The following DPP6 variants were observed in gnomAD, a reference collection of about 807,000 sequenced individuals.
The protein encoded by DPP6 is A-type potassium channel modulatory protein DPP6.
A neutral mutation model predicts 122.6 loss-of-function variants in DPP6; 69 were observed. The observed-to-expected ratio is 0.56, with a 90% CI of 0.46 to 0.69. The LOEUF is 0.69. DPP6 is among the 30% of genes least tolerant of loss of function. The pLI is 0.00. For missense variants in DPP6, 928 were observed against 1,116.9 expected (o/e 0.83, Z 2.41); for synonymous variants, 418 against 433.1 (o/e 0.97, Z 0.43).
At chr7:154,682,538 G>A (rs896742311) in intron 7 of DPP6, among the ~76,000 whole-genome samples, 14 of 152,330 alleles carry the variant, frequency 9.2e-5, no homozygotes, top group African/African-American at 3.4e-4. Flanking sequence ...TTATTGTCTG[G>A]GTTGTTAAAC....
chr7:153,885,115 G>GGT (rs1554481048), upstream of DPP6, among the ~76,000 whole-genome samples: 5 of 149,384 alleles, frequency 3.3e-5, no homozygotes, highest in Admixed American at 6.7e-5. Flanking sequence ...CATGCTTGGT[G>GGT]GGAAAGAGAG....
At chr7:154,874,335 C>T (rs367736839) in intron 19 of DPP6, among the ~76,000 whole-genome samples, 32 of 152,194 alleles carry the variant, frequency 2.1e-4, no homozygotes, top group African/African-American at 5.1e-4. Flanking sequence ...TAAAAGTGGT[C>T]GTGCCCGGTG....
rs554870439 is a variant in DPP6, at chr7:154,282,145, A to G, written c.244-164069A>G. 2.0e-5 allele frequency among the ~76,000 whole-genome samples: 3 copies of G among 152,246 alleles called. No homozygotes were observed. Among genetic ancestry groups the G allele is most frequent in the Non-Finnish European group, 2.9e-5 (2 of 68,022 alleles). On this transcript the variant is annotated intron_variant, in intron 1 of 25. Coordinates refer to ENST00000377770, the MANE Select transcript of DPP6 (RefSeq NM_130797.4). This position sits in a 1 kb window ranked among gnomAD's most constrained non-coding sequence, Gnocchi z 4.8. ...GGACAGGGCTGGCACAGTGCCTGGCATGTTCTAACCATCTATAATTTTATT... is the reference window on the plus strand; with the variant it reads ...GGACAGGGCTGGCACAGTGCCTGGCGTGTTCTAACCATCTATAATTTTATT...
At chr7:153,933,246 T>C (rs1214172338) in intron 1 of DPP6, among the ~76,000 whole-genome samples, 7 of 152,214 alleles carry the variant, frequency 4.6e-5, no homozygotes, top group Admixed American at 4.6e-4. Context: ...ATCTCTAAAA[T>C]TGCATTTGGC....
intron 1 of DPP6, among the ~76,000 whole-genome samples, chr7:154,129,260 T>G (rs1808183022): frequency 6.6e-6 from 1 of 152,104 alleles, no homozygotes; most frequent in Non-Finnish European, 1.5e-5. Context: ...CAAGTGACAT[T>G]AACAAGAGGC....
At chr7:153,991,047 A>G (rs1465451986) in intron 1 of DPP6, among the ~76,000 whole-genome samples, 5 of 152,322 alleles carry the variant, frequency 3.3e-5, no homozygotes, top group Non-Finnish European at 7.4e-5. Flanking sequence ...CCCTAGAATG[A>G]TGGAGTAATA....
chr7:154,328,040 T>C (rs1431142409), intron 1 of DPP6, among the ~76,000 whole-genome samples: 2 of 152,218 alleles, frequency 1.3e-5, no homozygotes, highest in East Asian at 3.8e-4. Context: ...GTGGTTGTTA[T>C]TCATGCTTGC....
chr7:154,626,993 A>ATTT (rs1835110979), intron 5 of DPP6, among the ~76,000 whole-genome samples: 4 of 114,106 alleles, frequency 3.5e-5, no homozygotes, highest in Non-Finnish European at 5.5e-5. Flanking sequence ...TCCATTAGAA[A>ATTT]TTTTTTCTTT....
intron 7 of DPP6, among the ~76,000 whole-genome samples, chr7:154,684,161 G>A (rs1374359125): frequency 6.6e-6 from 1 of 152,046 alleles, no homozygotes; most frequent in African/African-American, 2.4e-5. Flanking sequence ...GAGCCACTGT[G>A]CCCAGCCCAG....
chr7:154,067,594 G>T (rs1015241159), intron 1 of DPP6, among the ~76,000 whole-genome samples: 6 of 152,126 alleles, frequency 3.9e-5, no homozygotes, highest in Admixed American at 3.3e-4. Flanking sequence ...TTTGCATGGG[G>T]CTCAGGCCTC....
chr7:154,047,789 C>T (rs1219863687), upstream of DPP6, among the ~76,000 whole-genome samples: 16 of 152,140 alleles, frequency 1.1e-4, no homozygotes, highest in South Asian at 2.1e-4. Context: ...AGAGAAGGGA[C>T]ATGCATGAAG....
intron 1 of DPP6, among the ~76,000 whole-genome samples, chr7:154,257,926 T>C (rs948925301): frequency 2.0e-5 from 3 of 152,206 alleles, no homozygotes; most frequent in Non-Finnish European, 2.9e-5. Flanking sequence ...CCAGATCCAT[T>C]TGTTTTCTTG....
At chr7:154,320,749 G>A (rs1418260046) in intron 1 of DPP6, among the ~76,000 whole-genome samples, 1 of 152,114 alleles carries the variant, frequency 6.6e-6, no homozygotes. Flanking sequence ...ACCTCCCAAC[G>A]TGCTGGGATT....
At chr7:154,433,280 A>C (rs556959226) in intron 1 of DPP6, among the ~76,000 whole-genome samples, 1 of 150,794 alleles carries the variant, frequency 6.6e-6, no homozygotes, top group Non-Finnish European at 1.5e-5. Flanking sequence ...CAAGTAGCTG[A>C]GACAGGGACT....
chr7:154,677,451 A>G (rs1838985028), intron 7 of DPP6, among the ~76,000 whole-genome samples: 1 of 152,242 alleles, frequency 6.6e-6, no homozygotes, highest in Non-Finnish European at 1.5e-5. Context: ...TTCAATAAAA[A>G]TAATTTTTTA....
chr7:154,183,898 T>C (rs1359783517), intron 1 of DPP6, among the ~76,000 whole-genome samples: 1 of 152,252 alleles, frequency 6.6e-6, no homozygotes, highest in Admixed American at 6.5e-5. Flanking sequence ...TGCATTTCTC[T>C]GACAGGGGCC....
the DPP6 span, among the ~76,000 whole-genome samples, chr7:153,862,557 T>C: frequency 6.6e-6 from 1 of 152,238 alleles, no homozygotes; most frequent in Non-Finnish European, 1.5e-5. Flanking sequence ...GTTTTTGTTT[T>C]GTTTTATTTT....
chr7:154,638,482 G>A (rs147025784), intron 6 of DPP6, among the ~76,000 whole-genome samples: 1,589 of 152,190 alleles, frequency 0.01, 14 homozygotes, highest in Non-Finnish European at 0.016. Context: ...GTGCTCCCAG[G>A]GCCGGGTTTC....
intron 8 of DPP6, among the ~76,000 whole-genome samples, chr7:154,734,655 ACT>A (rs1219173369): frequency 6.6e-6 from 1 of 152,140 alleles, no homozygotes; most frequent in Non-Finnish European, 1.5e-5. Flanking sequence ...CAAGGACATC[ACT>A]CTCAGTAAAT....
Sources: allele counts gnomAD v4.1 joint callset (sites outside exome capture counted in the v4.1 genomes callset), GRCh38; gene constraint gnomAD v4.1.1; non-coding constraint Gnocchi (gnomAD v3.1); transcripts MANE v1.5; gene names NCBI Gene and HGNC (gene_info 2026-07-23, HGNC 2026-07-21).